RERE: variants seen among roughly 807,000 people sequenced by gnomAD.
The protein encoded by RERE is arginine-glutamic acid dipeptide repeats protein.
A neutral mutation model predicts 146.1 loss-of-function variants in RERE; 40 were observed. That is an observed-to-expected ratio of 0.27 (90% CI 0.21 to 0.36). The LOEUF (loss-of-function observed/expected upper bound fraction) is 0.36. RERE is among the 10% of genes least tolerant of loss of function. The probability of loss-of-function intolerance (pLI) is 1.00; values close to 1 mark genes in which losing one functional copy is unlikely to be tolerated. For missense variants in RERE, 1,933 were observed against 2,138.7 expected, an observed-to-expected ratio of 0.90 and a Z score of 1.90; for synonymous variants, 1,003 against 866.0, an observed-to-expected ratio of 1.16 and a Z score of -2.78.
chr1:8,506,650 T>TA (rs1327026583), intron 8 of RERE, among the ~76,000 whole-genome samples: 10 of 152,220 alleles, frequency 6.6e-5, no homozygotes, highest in Non-Finnish European at 1.2e-4. Context: ...CTAATCATGT[T>TA]AAACTCTTTC....
intron 7 of RERE, among the ~76,000 whole-genome samples, chr1:8,519,265 A>C (rs991709441): frequency 6.6e-6 from 1 of 151,980 alleles, no homozygotes; most frequent in Non-Finnish European, 1.5e-5. Flanking sequence ...AAACAACAAA[A>C]ACAACAAAAA....
chr1:8,492,312 A>C (rs1005844508), intron 10 of RERE, among the ~76,000 whole-genome samples: 9 of 152,234 alleles, frequency 5.9e-5, no homozygotes, highest in African/African-American at 2.2e-4. Context: ...AGAATTCTTA[A>C]GAGAGTTTGG....
In RERE at chr1:8,364,451, CCCA is replaced by C. The variant is rs1641719568; in HGVS notation, c.1541-199_1541-197del. ...GAGAGGGTTTCAGGGGCATCTGCTG[CCCA>C]CTTCAACTTGGGGTGCCCAGGAAAA... On this transcript the variant is annotated intron_variant, in intron 14 of 22. Coordinates refer to ENST00000400908, the MANE Select transcript of RERE (RefSeq NM_001042681.2). This position sits in a 1 kb window ranked among gnomAD's most constrained non-coding sequence, Gnocchi z 5.1. Among the ~76,000 whole-genome samples the C allele has an allele frequency of 6.6e-6, 1 of 152,120 alleles. No individual in the cohort carries two copies. The highest frequency in any genetic ancestry group is 2.4e-5 in the African/African-American group (1 of 41,434).
Position 8,779,660 on chromosome 1 carries a change from C to T in RERE, c.-145+37500G>A, listed in dbSNP as rs149986356. ...TCCGGGCGACAAAGCAAGACTGTCTCCAAAAAAAAAAGAAAGAATGTAAGC... is the reference window on the plus strand; with the variant it reads ...TCCGGGCGACAAAGCAAGACTGTCTTCAAAAAAAAAAGAAAGAATGTAAGC... On this transcript the variant is annotated intron_variant, in intron 1 of 22. Transcript: ENST00000400908. 3.7e-3 allele frequency among the ~76,000 whole-genome samples: 551 copies of T among 150,738 alleles called. 3 individuals are homozygous for T. Among genetic ancestry groups the T allele is most frequent in the African/African-American group, 0.012 (513 of 41,050 alleles).
intron 12 of RERE, among the ~76,000 whole-genome samples, chr1:8,394,770 C>A (rs370829128): frequency 1.3e-5 from 2 of 152,268 alleles, no homozygotes; most frequent in East Asian, 3.9e-4. Context: ...TTAACTTGCT[C>A]TGTAAACCAT....
At chr1:8,598,731 A>G (rs1646585289) in intron 4 of RERE, among the ~76,000 whole-genome samples, 1 of 152,216 alleles carries the variant, frequency 6.6e-6, no homozygotes, top group Non-Finnish European at 1.5e-5. Context: ...TTTAAATCTG[A>G]TGAGTTTTTC....
chr1:8,582,144 C>T (rs1421074668), intron 4 of RERE, among the ~76,000 whole-genome samples: 1 of 152,126 alleles, frequency 6.6e-6, no homozygotes, highest in East Asian at 1.9e-4. Context: ...TCAGCTACCA[C>T]ACAGTTGCTC....
chr1:8,477,280 C>T (rs1644768951), intron 10 of RERE, among the ~76,000 whole-genome samples: 1 of 152,132 alleles, frequency 6.6e-6, no homozygotes. Context: ...CAATAATCTA[C>T]TAAGAAGACT....
intron 1 of RERE, among the ~76,000 whole-genome samples, chr1:8,718,668 A>T (rs1289181565): frequency 6.6e-6 from 1 of 152,178 alleles, no homozygotes; most frequent in Non-Finnish European, 1.5e-5. Context: ...GTTCTGACTG[A>T]GCTTCCCAGT....
At chr1:8,633,178 G>A (rs2124256869) in intron 2 of RERE, among the ~76,000 whole-genome samples, 1 of 152,282 alleles carries the variant, frequency 6.6e-6, no homozygotes, top group East Asian at 1.9e-4. Flanking sequence ...CCAACACATT[G>A]GGAGGTGGAG....
intron 1 of RERE, among the ~76,000 whole-genome samples, chr1:8,793,856 G>GGAGTCCAGACCAGCCTGGCCAACAT (rs1641413963): frequency 6.6e-6 from 1 of 151,562 alleles, no homozygotes; most frequent in Non-Finnish European, 1.5e-5. Context: ...CTTGAGGCCA[G>GGAGTCCAGACCAGCCTGGCCAACAT]GAGTCCAGAC....
At chr1:8,376,870 G>A (rs1267388176) in intron 12 of RERE, among the ~76,000 whole-genome samples, 4 of 152,198 alleles carry the variant, frequency 2.6e-5, no homozygotes, top group African/African-American at 9.7e-5. Flanking sequence ...TACAGGTGTT[G>A]GAGGGATCCC....
intron 1 of RERE, among the ~76,000 whole-genome samples, chr1:8,763,462 G>A (rs9919339): frequency 0.014 from 2,173 of 151,916 alleles, 46 homozygotes; most frequent in African/African-American, 0.049. Context: ...ATGAAACCCC[G>A]TCTCAACTAA....
intron 4 of RERE, among the ~76,000 whole-genome samples, chr1:8,562,891 T>TA (rs1294104303): frequency 6.6e-6 from 1 of 152,152 alleles, no homozygotes; most frequent in Admixed American, 6.6e-5. Flanking sequence ...AAAAGATCCT[T>TA]ATGGTAGCTA....
chr1:8,771,797 C>T (rs770037783), intron 1 of RERE, among the ~76,000 whole-genome samples: 3 of 148,334 alleles, frequency 2.0e-5, no homozygotes, highest in Non-Finnish European at 4.5e-5. Flanking sequence ...GTAGTCCCAG[C>T]TACTCGGGAG....
intron 8 of RERE, among the ~76,000 whole-genome samples, chr1:8,503,168 G>A (rs1645204416): frequency 6.6e-6 from 1 of 151,924 alleles, no homozygotes; most frequent in African/African-American, 2.4e-5. Context: ...CAACAGAAAT[G>A]CAAATTAATG....
intron 12 of RERE, among the ~76,000 whole-genome samples, chr1:8,416,381 C>G (rs301804): frequency 0.23 from 34,586 of 151,886 alleles, 4,642 homozygotes; most frequent in Non-Finnish European, 0.3. Context: ...GTCAGGAGAT[C>G]GAGACCATCC....
intron 1 of RERE, among the ~76,000 whole-genome samples, chr1:8,769,715 G>A (rs529858022): frequency 8.5e-5 from 13 of 152,142 alleles, no homozygotes; most frequent in African/African-American, 1.7e-4. Context: ...GGACTCAAGC[G>A]ATACTCCTGC....
chr1:8,641,337 A>G (rs1000067927), intron 2 of RERE, among the ~76,000 whole-genome samples: 7 of 152,208 alleles, frequency 4.6e-5, no homozygotes, highest in Admixed American at 4.6e-4. Flanking sequence ...AGCTACTACA[A>G]AGTAAGGCAT....
Sources: gnomAD v4.1 joint callset for allele counts (sites outside exome capture counted in the v4.1 genomes callset) on GRCh38, gnomAD v4.1.1 for gene constraint, Gnocchi (gnomAD v3.1) non-coding constraint, MANE v1.5 for transcripts, NCBI Gene and HGNC (gene_info 2026-07-23, HGNC 2026-07-21) for gene names.